Variants in PARD3B observed in about 807,000 individuals in gnomAD.
PARD3B encodes par-3 family cell polarity regulator beta, also known as partitioning defective 3 homolog B.
A neutral mutation model predicts 130.2 loss-of-function variants in PARD3B; 103 were observed. The observed-to-expected ratio is 0.79, with a 90% CI of 0.67 to 0.93. The LOEUF is 0.93. Ranked by LOEUF, PARD3B falls within the 40% of genes least tolerant of loss-of-function variation. The pLI is 0.00. For synonymous variants in PARD3B, 583 were observed against 553.2 expected, an observed-to-expected ratio of 1.05 and a Z score of -0.76; for missense variants, 1,609 against 1,499.2, an observed-to-expected ratio of 1.07 and a Z score of -1.21.
intron 18 of PARD3B, among the ~76,000 whole-genome samples, chr2:205,347,122 C>A (rs1444346080): frequency 6.6e-6 from 1 of 152,156 alleles, no homozygotes; most frequent in Non-Finnish European, 1.5e-5. Context: ...CCACTGCTGC[C>A]AAAGGTGCTG....
At chr2:204,785,136 T>A (rs2125460259) in intron 2 of PARD3B, among the ~76,000 whole-genome samples, 1 of 152,340 alleles carries the variant, frequency 6.6e-6, no homozygotes, top group Admixed American at 6.5e-5. Context: ...TGTGATTGTT[T>A]TACTCACTGA....
Position 205,301,257 on chromosome 2 carries a change from C to T in PARD3B, c.2393-207C>T, listed in dbSNP as rs981046842. Among the ~76,000 whole-genome samples the T allele has an allele frequency of 6.6e-6, 1 of 152,170 alleles. No homozygotes were observed. Among genetic ancestry groups the T allele is most frequent in the African/African-American group, 2.4e-5 (1 of 41,444 alleles). The stretch of plus-strand genomic sequence containing the variant: ...CCTTTCATACTACCAGCTAAGCAAC[C>T]GGTTGTCCCCACTCCCAGCATCAAG... On this transcript the variant is annotated intron_variant, in intron 17 of 22. Transcript: ENST00000406610. The surrounding 1 kb of genome is among the most constrained non-coding windows in gnomAD (Gnocchi z 5.2).
chr2:204,856,858 G>A (rs2044965652), intron 2 of PARD3B, among the ~76,000 whole-genome samples: 1 of 151,928 alleles, frequency 6.6e-6, no homozygotes, highest in East Asian at 1.9e-4. Flanking sequence ...TTCTTTCTGG[G>A]TTTTCTGTCC....
intron 1 of PARD3B, among the ~76,000 whole-genome samples, chr2:204,559,541 G>GA (rs1559155806): frequency 6.6e-6 from 1 of 152,226 alleles, no homozygotes; most frequent in East Asian, 1.9e-4. Flanking sequence ...GGAAACAACA[G>GA]ATGCTGGAGA....
chr2:204,572,070 G>A (rs2032035107), intron 1 of PARD3B, among the ~76,000 whole-genome samples: 7 of 152,278 alleles, frequency 4.6e-5, no homozygotes, highest in Admixed American at 3.3e-4. Flanking sequence ...CTAGAATAGT[G>A]CCTTGCAATT....
chr2:205,053,810 G>C (rs1329184781), intron 4 of PARD3B, among the ~76,000 whole-genome samples: 1 of 151,418 alleles, frequency 6.6e-6, no homozygotes, highest in Non-Finnish European at 1.5e-5. Context: ...AAAGAGGAGA[G>C]ATGGATGCTG....
chr2:205,415,036 T>C lies in PARD3B; in HGVS notation c.2741+13913T>C, dbSNP rs1419128045. 2.0e-5 allele frequency among the ~76,000 whole-genome samples: 3 copies of C among 152,276 alleles called. No homozygotes were observed. The East Asian group carries it at 5.8e-4, about 29-fold the overall frequency. On this transcript the variant is annotated intron_variant, in intron 19 of 22. Transcript: ENST00000406610. Reference sequence around the variant, plus strand: ...ATGTAATAAGAAAGTCAAAAGAGGATAATTTGCTAGTTGGACTTTTAAATT... The same window carrying C: ...ATGTAATAAGAAAGTCAAAAGAGGACAATTTGCTAGTTGGACTTTTAAATT...
intron 3 of PARD3B, among the ~76,000 whole-genome samples, chr2:205,044,459 C>T (rs1698623558): frequency 6.7e-6 from 1 of 148,834 alleles, no homozygotes; most frequent in Non-Finnish European, 1.5e-5. Flanking sequence ...ACATCCTCTC[C>T]AGCACCTGTT....
At chr2:204,853,514 G>C (rs2044793428) in intron 2 of PARD3B, among the ~76,000 whole-genome samples, 1 of 152,080 alleles carries the variant, frequency 6.6e-6, no homozygotes, top group Non-Finnish European at 1.5e-5. Context: ...TCATTATACA[G>C]AATAAGTCAG....
chr2:205,430,814 T>G (rs546655265), intron 19 of PARD3B, among the ~76,000 whole-genome samples: 1 of 152,160 alleles, frequency 6.6e-6, no homozygotes, highest in African/African-American at 2.4e-5. Flanking sequence ...GAACACCAAA[T>G]GTAACGTACA....
intron 12 of PARD3B, among the ~76,000 whole-genome samples, chr2:205,174,953 G>T (rs1007552776): frequency 6.6e-6 from 1 of 152,062 alleles, no homozygotes; most frequent in Non-Finnish European, 1.5e-5. Context: ...CTAGAGACTT[G>T]GTATTAAAAA....
chr2:204,811,763 A>G (rs564886741), intron 2 of PARD3B, among the ~76,000 whole-genome samples: 3 of 152,248 alleles, frequency 2.0e-5, no homozygotes, highest in East Asian at 1.9e-4. Flanking sequence ...CTAAAGCTTT[A>G]GCAGGTTGGG....
chr2:205,515,253 AT>A (rs1230697641), intron 21 of PARD3B, among the ~76,000 whole-genome samples: 2 of 151,964 alleles, frequency 1.3e-5, no homozygotes, highest in Non-Finnish European at 2.9e-5. Context: ...ATTGGTGGAG[AT>A]TTAGGTTGAT....
At chr2:205,074,260 A>G (rs1302366914) in intron 4 of PARD3B, among the ~76,000 whole-genome samples, 1 of 152,222 alleles carries the variant, frequency 6.6e-6, no homozygotes, top group Non-Finnish European at 1.5e-5. Context: ...ATTAATTACA[A>G]AAAACTTTTG....
chr2:205,577,781 T>A (rs1433777030), intron 22 of PARD3B, among the ~76,000 whole-genome samples: 2 of 152,310 alleles, frequency 1.3e-5, no homozygotes, highest in Non-Finnish European at 2.9e-5. Flanking sequence ...CCTGCTCTCA[T>A]CAGATGGTTC....
intron 19 of PARD3B, among the ~76,000 whole-genome samples, chr2:205,416,579 T>G (rs1262183078): frequency 6.6e-6 from 1 of 152,142 alleles, no homozygotes; most frequent in Non-Finnish European, 1.5e-5. Context: ...GGCCTGCAGG[T>G]GAGCAGCATG....
chr2:205,240,312 T>C (rs952723650), intron 15 of PARD3B, among the ~76,000 whole-genome samples: 4 of 152,196 alleles, frequency 2.6e-5, no homozygotes, highest in African/African-American at 9.6e-5. Flanking sequence ...AAGGGATTAC[T>C]TGATATTTAG....
At chr2:205,555,813 G>A (rs1464904693) in intron 22 of PARD3B, among the ~76,000 whole-genome samples, 2 of 152,172 alleles carry the variant, frequency 1.3e-5, no homozygotes, top group Non-Finnish European at 2.9e-5. Context: ...GGGGACCCCT[G>A]GCAGTGGCTT....
intron 2 of PARD3B, among the ~76,000 whole-genome samples, chr2:204,775,488 A>G (rs2041579099): frequency 6.6e-6 from 1 of 152,122 alleles, no homozygotes; most frequent in South Asian, 2.1e-4. Flanking sequence ...GAGGAAAATG[A>G]GATTTAAGCT....
Sources: gnomAD v4.1 joint callset for allele counts (sites outside exome capture counted in the v4.1 genomes callset) on GRCh38, gnomAD v4.1.1 for gene constraint, Gnocchi (gnomAD v3.1) non-coding constraint, MANE v1.5 for transcripts, NCBI Gene and HGNC (gene_info 2026-07-23, HGNC 2026-07-21) for gene names.